The following ARHGAP39 variants were observed in gnomAD, a reference collection of about 807,000 sequenced individuals.
ARHGAP39 encodes Rho GTPase activating protein 39, also known as rho GTPase-activating protein 39.
Under a neutral mutation model 106.9 loss-of-function variants are expected in ARHGAP39, and 44 were observed. The ratio of observed to expected loss-of-function variants is 0.41; its 90% CI spans 0.32 to 0.53. ARHGAP39 has a LOEUF of 0.53. ARHGAP39 is among the 20% of genes least tolerant of loss of function. ARHGAP39 has a pLI of 0.21. For synonymous variants in ARHGAP39, 768 were observed against 693.2 expected (o/e 1.11, Z -1.69); for missense variants, 1,496 against 1,577.3 (o/e 0.95, Z 0.87).
At chr8:144,674,443 G>T (rs1008090654) in intron 1 of ARHGAP39, among the ~76,000 whole-genome samples, 1 of 152,240 alleles carries the variant, frequency 6.6e-6, no homozygotes, top group East Asian at 1.9e-4. Flanking sequence ...CCTGAGTCTG[G>T]CTGAGTCCAG....
At chr8:144,682,066 A>C (rs980108453) in intron 1 of ARHGAP39, among the ~76,000 whole-genome samples, 1 of 151,610 alleles carries the variant, frequency 6.6e-6, no homozygotes, top group Non-Finnish European at 1.5e-5. Context: ...CAGGAGATCG[A>C]GACCATCCTG....
At chr8:144,667,816 T>TA (rs1822002419) in intron 1 of ARHGAP39, among the ~76,000 whole-genome samples, 1 of 152,136 alleles carries the variant, frequency 6.6e-6, no homozygotes, top group African/African-American at 2.4e-5. Flanking sequence ...AGGTATAAAT[T>TA]ATATAAAAAC....
intron 1 of ARHGAP39, among the ~76,000 whole-genome samples, chr8:144,657,246 T>TAA (rs1437400879): frequency 2.0e-5 from 3 of 150,024 alleles, no homozygotes; most frequent in African/African-American, 7.3e-5. Flanking sequence ...AAAACAATAT[T>TAA]AATAAAAGAC....
intron 2 of ARHGAP39, among the ~76,000 whole-genome samples, chr8:144,589,167 G>A (rs1432831204): frequency 6.6e-6 from 1 of 152,242 alleles, no homozygotes; most frequent in African/African-American, 2.4e-5. Context: ...AGTGGACACA[G>A]AGGCTCTGCG....
At chr8:144,576,854 G>GACTTGTGC (rs1481607213) in intron 3 of ARHGAP39, among the ~76,000 whole-genome samples, 1 of 152,084 alleles carries the variant, frequency 6.6e-6, no homozygotes, top group African/African-American at 2.4e-5. Flanking sequence ...ATCTGGCTTC[G>GACTTGTGC]ACTTGTGCAA....
At chr8:144,639,184 G>A (rs934378426) in intron 1 of ARHGAP39, among the ~76,000 whole-genome samples, 3 of 151,888 alleles carry the variant, frequency 2.0e-5, no homozygotes, top group Non-Finnish European at 4.4e-5. Context: ...AAAATTAGCC[G>A]GGCATGGTGG....
chr8:144,649,140 A>G (rs1344822408), intron 1 of ARHGAP39, among the ~76,000 whole-genome samples: 1 of 152,192 alleles, frequency 6.6e-6, no homozygotes, highest in Non-Finnish European at 1.5e-5. Flanking sequence ...GAAGATCCAA[A>G]TAAACACAAT....
chr8:144,698,622 TAG>T, the ARHGAP39 span: 1 of 287,648 alleles, frequency 3.5e-6, no homozygotes, highest in Middle Eastern at 1.3e-3. Context: ...TTTTGGCAAT[TAG>T]TTAATTCAAG....
In ARHGAP39 at chr8:144,530,795, C is replaced by T. The variant is rs780115976; in HGVS notation, c.3057G>A (p.Ala1019=). ...CCGCCGCCTCGGGGCTGTCGTAGTG[C>T]GCGATGCACTGCTCGTAGAACTCGT... ...IPHEFYEQCI[A]HYDSPEAAVA... Residue 1019 remains alanine (A), a synonymous_variant, in exon 11 of 12, where the codon GCG becomes GCA. Coordinates refer to ENST00000377307, the MANE Select transcript of ARHGAP39 (RefSeq NM_025251.3). 1.5e-5 allele frequency: 24 copies of T among 1,611,764 alleles called. No homozygotes were observed. The highest frequency in any genetic ancestry group is 8.0e-5 in the African/African-American group (6 of 74,920).
chr8:144,605,669 G>A lies in ARHGAP39; in HGVS notation c.-55C>T, dbSNP rs1319844025. The A allele has an allele frequency of 1.0e-5, 16 of 1,566,802 alleles. No individual in the cohort carries two copies. Among genetic ancestry groups the A allele is most frequent in the South Asian group, 1.0e-4 (9 of 90,172 alleles). ...GACGTCAGGGCACCATACGCACAAC[G>A]CCAGCATCAGACGGGAAGGTGCCGC... is the stretch of plus-strand genomic sequence containing the variant. On this transcript the variant is annotated 5_prime_UTR_variant, in exon 2 of 12. Coordinates refer to ENST00000377307, the MANE Select transcript of ARHGAP39 (RefSeq NM_025251.3).
chr8:144,649,094 T>C (rs902422246), intron 1 of ARHGAP39, among the ~76,000 whole-genome samples: 6 of 152,062 alleles, frequency 3.9e-5, no homozygotes, highest in African/African-American at 4.8e-5. Flanking sequence ...ATAAGATAGA[T>C]AGGCCACTAG....
chr8:144,656,626 G>T (rs1821704878), intron 1 of ARHGAP39, among the ~76,000 whole-genome samples: 1 of 151,956 alleles, frequency 6.6e-6, no homozygotes, highest in South Asian at 2.1e-4. Context: ...GGCCAACATG[G>T]CAAAACCCTG....
chr8:144,689,460 G>A (rs368847932), upstream of ARHGAP39, among the ~76,000 whole-genome samples: 2 of 118,136 alleles, frequency 1.7e-5, no homozygotes, highest in African/African-American at 6.5e-5. Flanking sequence ...TTTTTGAAAA[G>A]GAGTCTCACT....
chr8:144,607,235 CA>C (rs1167793437), intron 1 of ARHGAP39, among the ~76,000 whole-genome samples: 1,050 of 50,698 alleles, frequency 0.021, 5 homozygotes, highest in African/African-American at 0.062. Context: ...GACATTGTCT[CA>C]AAAAAAAAAA....
chr8:144,654,634 C>A (rs1347846318), intron 1 of ARHGAP39, among the ~76,000 whole-genome samples: 3 of 152,210 alleles, frequency 2.0e-5, no homozygotes, highest in Non-Finnish European at 4.4e-5. Context: ...CTGGCAGGAG[C>A]CGGGGACAAG....
chr8:144,600,830 C>A (rs1269021652), intron 2 of ARHGAP39, among the ~76,000 whole-genome samples: 1 of 147,704 alleles, frequency 6.8e-6, no homozygotes, highest in African/African-American at 2.5e-5. Flanking sequence ...TGCGTGGAGG[C>A]GTGTGTGTGC....
intron 2 of ARHGAP39, among the ~76,000 whole-genome samples, chr8:144,605,029 C>T (rs981995219): frequency 6.6e-6 from 1 of 152,118 alleles, no homozygotes; most frequent in East Asian, 1.9e-4. Flanking sequence ...TGGGAGGCCT[C>T]GGCCTCCCAA....
rs1822341886 is a variant in ARHGAP39, at chr8:144,679,749, G to A, written c.-82+5937C>T. Among the ~76,000 whole-genome samples the A allele has an allele frequency of 6.6e-6, 1 of 152,218 alleles. No homozygotes were observed. Among genetic ancestry groups the A allele is most frequent in the Admixed American group, 6.5e-5 (1 of 15,286 alleles). On this transcript the variant is annotated intron_variant, in intron 1 of 11. Coordinates refer to ENST00000377307, the MANE Select transcript of ARHGAP39 (RefSeq NM_025251.3). This position sits in a 1 kb window ranked among gnomAD's most constrained non-coding sequence, Gnocchi z 4.7. ...TAATCCCAGCACTTTGGGAGGCCAA[G>A]GCGGGCGGATCACGAGGTCAGGAGA... is the stretch of plus-strand genomic sequence containing the variant.
rs1208583353 is a variant in ARHGAP39, at chr8:144,548,650, C to T, written c.597-161G>A. On this transcript the variant is annotated intron_variant, in intron 4 of 11. Coordinates refer to ENST00000377307, the MANE Select transcript of ARHGAP39 (RefSeq NM_025251.3). This position sits in a 1 kb window ranked among gnomAD's most constrained non-coding sequence, Gnocchi z 7.4. ...GGCGCCCCTCACACCTGCCTTGCCC[C>T]AGCACCCCCAGCCCTCCCTCTGGGG... Among the ~76,000 whole-genome samples, 1 of 152,220 alleles carries T rather than the reference C, an allele frequency of 6.6e-6. No homozygotes were observed. Among genetic ancestry groups the T allele is most frequent in the Non-Finnish European group, 1.5e-5 (1 of 68,026 alleles).
Sources: gnomAD v4.1 joint callset for allele counts (sites outside exome capture counted in the v4.1 genomes callset) on GRCh38, gnomAD v4.1.1 for gene constraint, Gnocchi (gnomAD v3.1) non-coding constraint, MANE v1.5 for transcripts, NCBI Gene and HGNC (gene_info 2026-07-23, HGNC 2026-07-21) for gene names.